Variants in OR6N1 observed in about 807,000 individuals in gnomAD.
The protein encoded by OR6N1 is olfactory receptor 6N1.
For missense variants in OR6N1, 394 were observed against 371.7 expected, an observed-to-expected ratio of 1.06 and a Z score of -0.49; for synonymous variants, 170 against 150.7, an observed-to-expected ratio of 1.13 and a Z score of -0.94.
the OR6N1 span, among the ~76,000 whole-genome samples, chr1:158,784,093 G>A: frequency 1.3e-5 from 2 of 151,920 alleles, no homozygotes; most frequent in South Asian, 2.1e-4. Context: ...GCGACGGAGC[G>A]AGACTCCCTC....
the OR6N1 span, among the ~76,000 whole-genome samples, chr1:158,803,405 T>C: frequency 6.6e-6 from 1 of 152,174 alleles, no homozygotes; most frequent in Non-Finnish European, 1.5e-5. Context: ...ACTAAATTAC[T>C]GCATCTCCCA....
chr1:158,779,736 C>G, the OR6N1 span, among the ~76,000 whole-genome samples: 1 of 152,330 alleles, frequency 6.6e-6, no homozygotes, highest in Non-Finnish European at 1.5e-5. Context: ...TCTCTTCTCT[C>G]CATCTGGGAA....
At chr1:158,798,951 A>G in the OR6N1 span, among the ~76,000 whole-genome samples, 1 of 152,200 alleles carries the variant, frequency 6.6e-6, no homozygotes, top group Admixed American at 6.5e-5. Flanking sequence ...CACAGGAAAG[A>G]ACTGTGCTAC....
chr1:158,775,943 G>T (rs1159605711), upstream of OR6N1: 1 of 152,212 alleles, frequency 6.6e-6, no homozygotes, highest in Non-Finnish European at 1.5e-5. Context: ...GTGTTGATAA[G>T]TAGGAAGTTG....
At chr1:158,839,541 T>C in the OR6N1 span, among the ~76,000 whole-genome samples, 3 of 152,166 alleles carry the variant, frequency 2.0e-5, no homozygotes, top group Non-Finnish European at 4.4e-5. Flanking sequence ...ACCATTTCCA[T>C]CAATGCTCCA....
the OR6N1 span, among the ~76,000 whole-genome samples, chr1:158,797,131 G>T: frequency 3.3e-5 from 5 of 152,220 alleles, no homozygotes; most frequent in Non-Finnish European, 5.9e-5. Context: ...GATACAGAGA[G>T]TTTCCCAGGC....
At chr1:158,817,019 T>C in the OR6N1 span, among the ~76,000 whole-genome samples, 1 of 152,198 alleles carries the variant, frequency 6.6e-6, no homozygotes, top group Non-Finnish European at 1.5e-5. Flanking sequence ...TTCAGTAACA[T>C]TTTTATATTC....
the OR6N1 span, among the ~76,000 whole-genome samples, chr1:158,838,067 T>C: frequency 6.6e-6 from 1 of 152,006 alleles, no homozygotes. Flanking sequence ...CATTGATTTA[T>C]AAATTGTTTT....
chr1:158,826,388 T>C, the OR6N1 span, among the ~76,000 whole-genome samples: 1 of 151,428 alleles, frequency 6.6e-6, no homozygotes. Flanking sequence ...AAGAGAGAAA[T>C]AAAAATGAAA....
chr1:158,826,550 T>G, the OR6N1 span, among the ~76,000 whole-genome samples: 9 of 152,302 alleles, frequency 5.9e-5, no homozygotes, highest in African/African-American at 2.2e-4. Context: ...TAGTCACTGA[T>G]GTTTCAATAC....
At chr1:158,779,018 C>CCAAAAAAAAAAAA in the OR6N1 span, among the ~76,000 whole-genome samples, 2 of 86,382 alleles carry the variant, frequency 2.3e-5, no homozygotes, top group African/African-American at 1.1e-4. Flanking sequence ...GACTGCGTCT[C>CCAAAAAAAAAAAA]AAAAAAAAAA....
At chr1:158,804,098 A>G in the OR6N1 span, among the ~76,000 whole-genome samples, 2 of 152,216 alleles carry the variant, frequency 1.3e-5, no homozygotes, top group Middle Eastern at 6.3e-3. Context: ...TTTTATAGGC[A>G]GAGAGCAATT....
chr1:158,783,629 C>CT, the OR6N1 span, among the ~76,000 whole-genome samples: 1 of 152,128 alleles, frequency 6.6e-6, no homozygotes, highest in African/African-American at 2.4e-5. Context: ...CCTGGTCATT[C>CT]TTTTCATAAC....
upstream of OR6N1, chr1:158,775,864 G>A (rs1202505992): frequency 2.0e-5 from 3 of 152,116 alleles, no homozygotes; most frequent in African/African-American, 4.8e-5. Flanking sequence ...AAGCTTTCAT[G>A]GTTAGAAATT....
chr1:158,769,074 T>TA (rs1197893215), intron 1 of OR6N1, among the ~76,000 whole-genome samples: 2 of 152,208 alleles, frequency 1.3e-5, no homozygotes, highest in Non-Finnish European at 2.9e-5. Context: ...TCTATTAAGA[T>TA]AACTGCTAAT....
the OR6N1 span, chr1:158,777,419 A>G: frequency 6.2e-7 from 1 of 1,614,210 alleles, no homozygotes; most frequent in African/African-American, 1.3e-5. Context: ...GTAGCTGTAT[A>G]CCACAACTCC....
chr1:158,814,126 C>T, the OR6N1 span, among the ~76,000 whole-genome samples: 3 of 152,048 alleles, frequency 2.0e-5, no homozygotes, highest in Non-Finnish European at 2.9e-5. Context: ...ACTAACAGTG[C>T]CCTGTTTCAT....
chr1:158,830,656 G>T, the OR6N1 span, among the ~76,000 whole-genome samples: 1 of 152,160 alleles, frequency 6.6e-6, no homozygotes, highest in Non-Finnish European at 1.5e-5. Flanking sequence ...CAGAGTTTCA[G>T]TGCTGTTCCA....
At chr1:158,802,189 C>A in the OR6N1 span, among the ~76,000 whole-genome samples, 1,057 of 148,664 alleles carry the variant, frequency 7.1e-3, 9 homozygotes, top group Non-Finnish European at 0.011. Flanking sequence ...TCTGCAAGTC[C>A]CTCATAGCAC....
Sources: allele counts gnomAD v4.1 joint callset (sites outside exome capture counted in the v4.1 genomes callset), GRCh38; gene constraint gnomAD v4.1.1; transcripts MANE v1.5; gene names NCBI Gene and HGNC (gene_info 2026-07-23, HGNC 2026-07-21).